PTPRD: variants seen among roughly 807,000 people sequenced by gnomAD.
PTPRD encodes protein tyrosine phosphatase receptor type D, also known as receptor-type tyrosine-protein phosphatase delta.
Under a neutral mutation model 214.5 loss-of-function variants are expected in PTPRD, and 34 were observed. The observed-to-expected ratio is 0.16, with a 90% CI of 0.12 to 0.21. The LOEUF (loss-of-function observed/expected upper bound fraction) is 0.21, where lower values mean the gene tolerates loss of function less well. PTPRD is among the 10% of genes least tolerant of loss of function. PTPRD has a pLI of 1.00. For missense variants in PTPRD, 2,545 were observed against 2,398.7 expected, an observed-to-expected ratio of 1.06 and a Z score of -1.27; for synonymous variants, 1,128 against 845.7, an observed-to-expected ratio of 1.33 and a Z score of -5.79.
At chr9:10,042,398 G>A (rs1041977783) in intron 3 of PTPRD, among the ~76,000 whole-genome samples, 4 of 151,802 alleles carry the variant, frequency 2.6e-5, no homozygotes, top group Non-Finnish European at 2.9e-5. Context: ...CTTACACAAA[G>A]GTAGCTCTAT....
intron 2 of PTPRD, among the ~76,000 whole-genome samples, chr9:10,424,717 C>A (rs979244614): frequency 1.3e-5 from 2 of 151,888 alleles, no homozygotes; most frequent in African/African-American, 4.8e-5. Flanking sequence ...TGGTAAATGA[C>A]CACCACTAGA....
At chr9:10,100,131 G>C (rs567841780) in intron 3 of PTPRD, among the ~76,000 whole-genome samples, 1 of 151,680 alleles carries the variant, frequency 6.6e-6, no homozygotes, top group African/African-American at 2.4e-5. Context: ...TTTACACCAA[G>C]TATTATTTCT....
chr9:8,697,760 C>T (rs112465966), intron 12 of PTPRD, among the ~76,000 whole-genome samples: 8 of 151,448 alleles, frequency 5.3e-5, no homozygotes, highest in African/African-American at 1.5e-4. Context: ...TGTGTGGGTG[C>T]GTGGGTGTGT....
intron 14 of PTPRD, among the ~76,000 whole-genome samples, chr9:8,615,673 C>A (rs940422494): frequency 5.9e-5 from 9 of 151,972 alleles, no homozygotes; most frequent in African/African-American, 2.2e-4. Flanking sequence ...CACTCAGTGG[C>A]TTTTCCTGTC....
intron 3 of PTPRD, among the ~76,000 whole-genome samples, chr9:10,056,151 T>C (rs2097642625): frequency 6.6e-6 from 1 of 151,878 alleles, no homozygotes; most frequent in African/African-American, 2.4e-5. Context: ...TAAAGCACTG[T>C]CTCTACTAAA....
At chr9:8,979,328 G>C (rs1434875426) in intron 11 of PTPRD, among the ~76,000 whole-genome samples, 1 of 152,018 alleles carries the variant, frequency 6.6e-6, no homozygotes, top group Non-Finnish European at 1.5e-5. Flanking sequence ...CATTGGGCTT[G>C]GCAATGGTTT....
chr9:8,532,310 T>G (rs2075908041), intron 14 of PTPRD, among the ~76,000 whole-genome samples: 1 of 152,084 alleles, frequency 6.6e-6, no homozygotes. Flanking sequence ...TTGGAATGCT[T>G]ATCTCCGTGG....
chr9:10,598,002 T>C (rs1342795279), intron 2 of PTPRD, among the ~76,000 whole-genome samples: 3 of 151,758 alleles, frequency 2.0e-5, no homozygotes, highest in African/African-American at 7.2e-5. Context: ...TGACGTAATA[T>C]ATAGGCATTT....
At chr9:8,665,706 C>A (rs1472683940) in intron 12 of PTPRD, among the ~76,000 whole-genome samples, 2 of 152,146 alleles carry the variant, frequency 1.3e-5, no homozygotes, top group African/African-American at 2.4e-5. Flanking sequence ...ACTTTTATTT[C>A]TCTTCACAGA....
chr9:8,712,435 G>A (rs186523154), intron 12 of PTPRD, among the ~76,000 whole-genome samples: 5 of 149,412 alleles, frequency 3.3e-5, no homozygotes, highest in African/African-American at 9.8e-5. Flanking sequence ...TGTTATTTTC[G>A]TCACTATGTG....
At chr9:9,304,425 T>C (rs1237075224) in intron 9 of PTPRD, among the ~76,000 whole-genome samples, 1 of 152,072 alleles carries the variant, frequency 6.6e-6, no homozygotes. Context: ...TCTTTGTGCA[T>C]TTGCAACTTT....
intron 3 of PTPRD, among the ~76,000 whole-genome samples, chr9:10,327,018 T>C (rs1175506863): frequency 1.3e-5 from 2 of 151,430 alleles, no homozygotes; most frequent in African/African-American, 4.8e-5. Context: ...AATTTTTTTG[T>C]GGTTGTTTAA....
intron 5 of PTPRD, among the ~76,000 whole-genome samples, chr9:9,769,267 G>T (rs1459034366): frequency 1.4e-5 from 2 of 145,954 alleles, no homozygotes; most frequent in Admixed American, 1.4e-4. Flanking sequence ...GTGGTGTCAA[G>T]CTTACAGGGT....
At chr9:10,064,773 A>G (rs1359811747) in intron 3 of PTPRD, among the ~76,000 whole-genome samples, 2 of 151,968 alleles carry the variant, frequency 1.3e-5, no homozygotes. Context: ...AACTTGTATA[A>G]AAAAAACTTG....
intron 39 of PTPRD, among the ~76,000 whole-genome samples, chr9:8,354,631 T>C (rs945338289): frequency 6.6e-6 from 1 of 152,208 alleles, no homozygotes; most frequent in African/African-American, 2.4e-5. Flanking sequence ...TCCTGTTTGT[T>C]GGTTGGTTTG....
At chr9:9,393,463 C>T (rs537286321) in intron 9 of PTPRD, among the ~76,000 whole-genome samples, 1 of 152,144 alleles carries the variant, frequency 6.6e-6, no homozygotes, top group South Asian at 2.1e-4. Flanking sequence ...AAAGAGGGGC[C>T]ACATGGAAAA....
At chr9:9,935,799 G>C (rs1474890098) in intron 5 of PTPRD, among the ~76,000 whole-genome samples, 1 of 149,186 alleles carries the variant, frequency 6.7e-6, no homozygotes, top group African/African-American at 2.6e-5. Flanking sequence ...AACAAAGCTG[G>C]AGGCATCACA....
At chr9:9,018,812 A>G (rs1370563014) in intron 10 of PTPRD, 77 bp from the exon 11 acceptor site, 1 of 152,208 alleles carries the variant, frequency 6.6e-6, no homozygotes, top group African/African-American at 2.4e-5. Context: ...TAGGTGATGC[A>G]TGTTTATATT....
At chr9:9,989,287 T>A (rs571069011) in intron 4 of PTPRD, among the ~76,000 whole-genome samples, 3 of 152,164 alleles carry the variant, frequency 2.0e-5, no homozygotes, top group African/African-American at 7.2e-5. Context: ...CATGCATTCC[T>A]GTTTTCCCAC....
Sources: allele counts gnomAD v4.1 joint callset (sites outside exome capture counted in the v4.1 genomes callset), GRCh38; gene constraint gnomAD v4.1.1; transcripts MANE v1.5; gene names NCBI Gene and HGNC (gene_info 2026-07-23, HGNC 2026-07-21).